Variants in NYAP2 observed in about 807,000 individuals in gnomAD.
NYAP2 encodes neuronal tyrosine-phosphorylated phosphoinositide-3-kinase adaptor 2.
In NYAP2, 23 loss-of-function variants were observed where a neutral mutation model predicts 50.4. The observed-to-expected ratio is 0.46, with a 90% CI of 0.33 to 0.65. NYAP2 has a LOEUF of 0.65. Ranked by LOEUF, NYAP2 falls within the 30% of genes least tolerant of loss-of-function variation. NYAP2 has a pLI of 0.02. For synonymous variants in NYAP2, 394 were observed against 365.2 expected, an observed-to-expected ratio of 1.08 and a Z score of -0.90; for missense variants, 885 against 861.0, an observed-to-expected ratio of 1.03 and a Z score of -0.35.
intron 3 of NYAP2, among the ~76,000 whole-genome samples, chr2:225,460,513 G>A (rs899687466): frequency 6.6e-6 from 1 of 152,188 alleles, no homozygotes; most frequent in African/African-American, 2.4e-5. Context: ...TCTTCACATG[G>A]AGGAAGATCA....
intron 3 of NYAP2, among the ~76,000 whole-genome samples, chr2:225,492,089 C>T (rs1290142016): frequency 6.6e-6 from 1 of 152,128 alleles, no homozygotes; most frequent in Non-Finnish European, 1.5e-5. Flanking sequence ...GGAGAAGATC[C>T]ATGTGCCCTT....
At chr2:225,657,983 TTC>T (rs895831959), downstream of NYAP2, among the ~76,000 whole-genome samples, 8 of 152,358 alleles carry the variant, frequency 5.3e-5, no homozygotes, top group African/African-American at 1.9e-4. Flanking sequence ...TTTTCTTTTT[TTC>T]TTTTTTGAGA....
the NYAP2 span, among the ~76,000 whole-genome samples, chr2:225,672,662 A>G: frequency 1.3e-3 from 202 of 152,248 alleles, 1 homozygote; most frequent in African/African-American, 4.7e-3. Flanking sequence ...CTTCTTCACT[A>G]AGCTTAATCA....
intron 3 of NYAP2, among the ~76,000 whole-genome samples, chr2:225,506,625 C>T (rs1345895133): frequency 1.3e-5 from 2 of 152,134 alleles, no homozygotes; most frequent in Non-Finnish European, 2.9e-5. Flanking sequence ...GAGCATTTGG[C>T]TTTGAGCATC....
chr2:225,495,573 T>C lies in NYAP2; in HGVS notation c.222-17798T>C, dbSNP rs1367692478. 2.6e-5 allele frequency among the ~76,000 whole-genome samples: 4 copies of C among 152,180 alleles called. No homozygotes were observed. In the East Asian group the frequency reaches 7.7e-4, roughly 29 times the overall value. On this transcript the variant is annotated intron_variant, in intron 3 of 6. Coordinates refer to ENST00000636099, the Ensembl canonical transcript of NYAP2. ...AGGGAGAGATAATTTGTTTTTTTGT[T>C]GAATGACTAGGGCCTAGCACACTAT... is the stretch of plus-strand genomic sequence containing the variant.
intron 3 of NYAP2, among the ~76,000 whole-genome samples, chr2:225,433,816 C>CAAAAAAA (rs35886164): frequency 1.6e-4 from 10 of 62,470 alleles, no homozygotes; most frequent in Admixed American, 5.1e-4. Flanking sequence ...GACTCCGTCT[C>CAAAAAAA]AAAAAAAAAA....
At chr2:225,482,744 T>C (rs1448785824) in intron 3 of NYAP2, among the ~76,000 whole-genome samples, 1 of 152,178 alleles carries the variant, frequency 6.6e-6, no homozygotes, top group African/African-American at 2.4e-5. Context: ...TTTCCTCTTC[T>C]AGGTCTCTTA....
At chr2:225,540,971 G>A (rs538226714) in intron 4 of NYAP2, among the ~76,000 whole-genome samples, 34 of 152,000 alleles carry the variant, frequency 2.2e-4, no homozygotes, top group Admixed American at 3.9e-4. Context: ...CTTTTTAATT[G>A]GGAAAAGCCA....
intron 6 of NYAP2, among the ~76,000 whole-genome samples, chr2:225,633,729 C>T (rs1407579497): frequency 6.6e-6 from 1 of 152,228 alleles, no homozygotes. Flanking sequence ...AAAAGCTACT[C>T]AGTGCCAGCT....
downstream of NYAP2, among the ~76,000 whole-genome samples, chr2:225,658,996 A>G (rs899924092): frequency 6.6e-6 from 1 of 152,202 alleles, no homozygotes; most frequent in Non-Finnish European, 1.5e-5. Context: ...CAGTAACTCC[A>G]TTATAGAGTG....
chr2:225,554,948 A>G (rs1307813188), intron 4 of NYAP2, among the ~76,000 whole-genome samples: 1 of 152,192 alleles, frequency 6.6e-6, no homozygotes, highest in Non-Finnish European at 1.5e-5. Context: ...ATAACAGCTA[A>G]TGAAAAGATT....
intron 4 of NYAP2, among the ~76,000 whole-genome samples, chr2:225,524,675 G>C (rs1422940299): frequency 6.6e-6 from 1 of 152,078 alleles, no homozygotes; most frequent in Admixed American, 6.6e-5. Flanking sequence ...AAATGCCTCT[G>C]GACATTGGTC....
intron 3 of NYAP2, among the ~76,000 whole-genome samples, chr2:225,473,645 T>A (rs1207334507): frequency 1.3e-5 from 2 of 152,348 alleles, no homozygotes; most frequent in East Asian, 3.9e-4. Context: ...TGCCCACTTG[T>A]TGATGGGGTT....
chr2:225,472,989 T>A (rs1191643288), intron 3 of NYAP2, among the ~76,000 whole-genome samples: 1 of 152,176 alleles, frequency 6.6e-6, no homozygotes, highest in Non-Finnish European at 1.5e-5. Flanking sequence ...CCCCAGTGTG[T>A]GATGTTCCCC....
At chr2:225,668,708 A>C in the NYAP2 span, among the ~76,000 whole-genome samples, 179 of 151,802 alleles carry the variant, frequency 1.2e-3, 1 homozygote, top group African/African-American at 3.9e-3. Flanking sequence ...CTCTCTTCTT[A>C]CTCTCAATGC....
At chr2:225,552,094 C>G (rs569456418) in intron 4 of NYAP2, among the ~76,000 whole-genome samples, 2 of 152,046 alleles carry the variant, frequency 1.3e-5, no homozygotes, top group South Asian at 4.1e-4. Flanking sequence ...ATTACAGGTG[C>G]GAGCCACTGC....
chr2:225,461,926 G>T (rs1400724), intron 3 of NYAP2, among the ~76,000 whole-genome samples: 127,368 of 152,208 alleles, frequency 0.84, 53,846 homozygotes, highest in African/African-American at 0.94. Flanking sequence ...AGTGAAAACA[G>T]GTATCTTCTG....
rs1215254310 is a variant in NYAP2 at position 225,640,565 on chromosome 2, A to T, written c.1829-10867A>T. On this transcript the variant is annotated intron_variant, in intron 6 of 6. Transcript: ENST00000636099. Reference sequence around the variant, plus strand: ...AGTCCTAGTCTTTGCTGCTTTGTGAAATTTCGTCAAACCCTTTGTGTTCTT... The same window carrying T: ...AGTCCTAGTCTTTGCTGCTTTGTGATATTTCGTCAAACCCTTTGTGTTCTT... Among the ~76,000 whole-genome samples the T allele has an allele frequency of 2.0e-5, 3 of 152,092 alleles. 1 individual carries two copies. The highest frequency in any genetic ancestry group is 7.2e-5 in the African/African-American group (3 of 41,424).
chr2:225,405,408 T>A (rs1694923478), intron 2 of NYAP2, among the ~76,000 whole-genome samples: 1 of 152,042 alleles, frequency 6.6e-6, no homozygotes, highest in African/African-American at 2.4e-5. Context: ...AATTCTTGCA[T>A]ACATAATTGT....
Sources: gnomAD v4.1 joint callset for allele counts (sites outside exome capture counted in the v4.1 genomes callset) on GRCh38, gnomAD v4.1.1 for gene constraint, MANE v1.5 for transcripts, NCBI Gene and HGNC (gene_info 2026-07-23, HGNC 2026-07-21) for gene names.